CCDC192: variants seen among roughly 807,000 people sequenced by gnomAD.
The protein encoded by CCDC192 is coiled-coil domain-containing protein 192.
chr5:127,782,369 T>C (rs1756279612), intron 3 of CCDC192, among the ~76,000 whole-genome samples: 1 of 152,184 alleles, frequency 6.6e-6, no homozygotes, highest in Non-Finnish European at 1.5e-5. Context: ...CTCTATCTTG[T>C]TGGAATAGCG....
intron 3 of CCDC192, chr5:127,786,832 T>G: frequency 1.9e-6 from 1 of 533,448 alleles, no homozygotes; most frequent in South Asian, 1.8e-5. Context: ...TGCCCCTTTT[T>G]TGATGTAGAA....
chr5:127,917,803 T>G (rs1351773731), intron 6 of CCDC192, among the ~76,000 whole-genome samples: 1 of 152,106 alleles, frequency 6.6e-6, no homozygotes, highest in African/African-American at 2.4e-5. Context: ...GAGAATTACC[T>G]AAATGTGACA....
chr5:127,828,317 A>G (rs1043533711), intron 5 of CCDC192, among the ~76,000 whole-genome samples: 4 of 152,216 alleles, frequency 2.6e-5, no homozygotes, highest in Non-Finnish European at 5.9e-5. Context: ...GTCTCGAGAA[A>G]AGGTTAAGCT....
At chr5:127,856,166 T>C (rs951210717) in intron 5 of CCDC192, among the ~76,000 whole-genome samples, 1 of 152,234 alleles carries the variant, frequency 6.6e-6, no homozygotes, top group African/African-American at 2.4e-5. Flanking sequence ...CTTTAATCAA[T>C]GATCTTAGCT....
chr5:127,721,064 C>T (rs1308248232), intron 2 of CCDC192, among the ~76,000 whole-genome samples: 3 of 152,224 alleles, frequency 2.0e-5, no homozygotes, highest in Non-Finnish European at 4.4e-5. Flanking sequence ...CATTTGGCTC[C>T]TCTTTACATA....
At chr5:127,935,730 T>G (rs1754169583) in intron 6 of CCDC192, among the ~76,000 whole-genome samples, 1 of 152,168 alleles carries the variant, frequency 6.6e-6, no homozygotes, top group Non-Finnish European at 1.5e-5. Flanking sequence ...ATTCAGATTT[T>G]TAACTCATTG....
At chr5:127,808,926 G>A (rs1757936201) in intron 5 of CCDC192, among the ~76,000 whole-genome samples, 1 of 152,116 alleles carries the variant, frequency 6.6e-6, no homozygotes. Flanking sequence ...ATTTAATGTT[G>A]ATTTTTAAAA....
At chr5:127,780,557 A>G (rs1178410251) in intron 3 of CCDC192, among the ~76,000 whole-genome samples, 1 of 151,776 alleles carries the variant, frequency 6.6e-6, no homozygotes, top group East Asian at 1.9e-4. Context: ...TTTGATTTGC[A>G]TTTTCCTGAT....
At position 127,834,861 on chromosome 5, in the gene CCDC192, G is replaced by T. The variant is rs73783992; in HGVS notation, c.411+36699G>T. Among the ~76,000 whole-genome samples, 881 of 152,288 alleles carry T rather than the reference G, an allele frequency of 5.8e-3. 6 individuals carry two copies. The highest frequency in any genetic ancestry group is 0.02 in the African/African-American group (822 of 41,556). On this transcript the variant is annotated intron_variant, in intron 5 of 6. Transcript: ENST00000514853. Reference sequence around the variant, plus strand: ...AAAAGGGCCCAGTGTGTTGTTAAGTGTGCCAGTAGCACAAATGGGCCAGTG... The same window carrying T: ...AAAAGGGCCCAGTGTGTTGTTAAGTTTGCCAGTAGCACAAATGGGCCAGTG...
At chr5:127,779,435 A>G (rs1422332406) in intron 3 of CCDC192, among the ~76,000 whole-genome samples, 3 of 152,058 alleles carry the variant, frequency 2.0e-5, no homozygotes, top group Non-Finnish European at 2.9e-5. Context: ...AGCTGGGACT[A>G]CAGGTGCCCG....
At chr5:127,756,127 TG>T (rs1217602039) in intron 3 of CCDC192, among the ~76,000 whole-genome samples, 1 of 150,654 alleles carries the variant, frequency 6.6e-6, no homozygotes, top group African/African-American at 2.5e-5. Context: ...AGCCAGACTC[TG>T]TCTCAAAGAA....
At chr5:127,773,654 A>G (rs998151981) in intron 3 of CCDC192, among the ~76,000 whole-genome samples, 1 of 152,174 alleles carries the variant, frequency 6.6e-6, no homozygotes, top group Non-Finnish European at 1.5e-5. Flanking sequence ...TGTGTACATA[A>G]TGCAATTTGT....
intron 2 of CCDC192, among the ~76,000 whole-genome samples, chr5:127,731,361 A>G (rs759690310): frequency 6.6e-6 from 1 of 152,196 alleles, no homozygotes; most frequent in African/African-American, 2.4e-5. Flanking sequence ...TGAGGAAATC[A>G]GAGAGGACAC....
At chr5:127,797,459 CT>C (rs1757220661) in intron 4 of CCDC192, among the ~76,000 whole-genome samples, 1 of 151,778 alleles carries the variant, frequency 6.6e-6, no homozygotes, top group Non-Finnish European at 1.5e-5. Flanking sequence ...ATATGTAACC[CT>C]TTGAATAACA....
intron 2 of CCDC192, among the ~76,000 whole-genome samples, chr5:127,738,663 C>T (rs1350468987): frequency 1.3e-5 from 2 of 151,808 alleles, no homozygotes; most frequent in Non-Finnish European, 2.9e-5. Context: ...CTTCCCTTCT[C>T]GCTTCATTTC....
At chr5:127,894,039 GT>G (rs35210017) in intron 6 of CCDC192, among the ~76,000 whole-genome samples, 42,428 of 151,906 alleles carry the variant, frequency 0.28, 6,192 homozygotes, top group African/African-American at 0.36. Flanking sequence ...TTGTAAAAGA[GT>G]TGAGACAAAG....
intron 3 of CCDC192, among the ~76,000 whole-genome samples, chr5:127,782,885 T>G (rs1245053085): frequency 6.6e-6 from 1 of 152,154 alleles, no homozygotes; most frequent in African/African-American, 2.4e-5. Flanking sequence ...CACTAGTTCC[T>G]TGAGGTGTGA....
chr5:127,710,527 T>A (rs1444766503), intron 2 of CCDC192, among the ~76,000 whole-genome samples: 1 of 152,132 alleles, frequency 6.6e-6, no homozygotes, highest in East Asian at 1.9e-4. Context: ...GTTGGTAAAC[T>A]GTGCATTCCT....
intron 3 of CCDC192, among the ~76,000 whole-genome samples, chr5:127,776,692 C>T (rs1755877985): frequency 6.6e-6 from 1 of 152,230 alleles, no homozygotes; most frequent in Non-Finnish European, 1.5e-5. Context: ...TGGACTGGGC[C>T]CATGGTCCCT....
Sources: allele counts gnomAD v4.1 joint callset (sites outside exome capture counted in the v4.1 genomes callset), GRCh38; gene constraint gnomAD v4.1.1; transcripts MANE v1.5; gene names NCBI Gene and HGNC (gene_info 2026-07-23, HGNC 2026-07-21).